The following TMA16 variants were observed in gnomAD, a reference collection of about 807,000 sequenced individuals.
TMA16 encodes translation machinery-associated protein 16.
In TMA16, 26 loss-of-function variants were observed where a neutral mutation model predicts 27.1. That is an observed-to-expected ratio of 0.96 (90% CI 0.70 to 1.33). The LOEUF (loss-of-function observed/expected upper bound fraction) is 1.33. Ranked by LOEUF, TMA16 falls within the 40% of genes most tolerant of loss-of-function variation. The pLI, the probability that TMA16 is intolerant of heterozygous loss-of-function variation, is 0.00. For synonymous variants in TMA16, 71 were observed against 81.9 expected, an observed-to-expected ratio of 0.87 and a Z score of 0.72; for missense variants, 233 against 241.4, an observed-to-expected ratio of 0.97 and a Z score of 0.23.
At position 163,496,605 on chromosome 4, in the gene TMA16, A is replaced by AT. The variant is rs36079282; in HGVS notation, c.3+1810dup. Among the ~76,000 whole-genome samples the AT allele has an allele frequency of 1.3e-3, 197 of 150,848 alleles. 1 individual carries two copies. The highest frequency in any genetic ancestry group is 3.9e-3 in the African/African-American group (160 of 41,102). The stretch of plus-strand genomic sequence containing the variant: ...AGGTTTTTAGTGTTTATTATTTTTT[A>AT]TTTTTTTTTGAGACGGTGTTTTGCT... On this transcript the variant is annotated intron_variant, in intron 1 of 6. Coordinates refer to ENST00000358572, the MANE Select transcript of TMA16 (RefSeq NM_018352.3).
At chr4:163,508,218 G>A (rs1050288750) in intron 2 of TMA16, among the ~76,000 whole-genome samples, 1 of 152,016 alleles carries the variant, frequency 6.6e-6, no homozygotes, top group Admixed American at 6.6e-5. Context: ...ATATATATCA[G>A]TATTTTGCAA....
At chr4:163,499,042 C>T (rs186927236) in intron 1 of TMA16, among the ~76,000 whole-genome samples, 3 of 152,152 alleles carry the variant, frequency 2.0e-5, no homozygotes, top group Non-Finnish European at 4.4e-5. Context: ...TACACCCACA[C>T]CCCCACTAAT....
At chr4:163,499,933 CTAA>C (rs1737622321) in intron 1 of TMA16, among the ~76,000 whole-genome samples, 1 of 151,988 alleles carries the variant, frequency 6.6e-6, no homozygotes, top group African/African-American at 2.4e-5. Context: ...CCTTTGTGAC[CTAA>C]AGGATGAATT....
chr4:163,498,126 C>T (rs1737587676), intron 1 of TMA16, among the ~76,000 whole-genome samples: 1 of 152,124 alleles, frequency 6.6e-6, no homozygotes, highest in African/African-American at 2.4e-5. Flanking sequence ...TTGTTTGCTT[C>T]TGTAACTTAC....
At chr4:163,503,771 T>C (rs1179919946) in intron 1 of TMA16, among the ~76,000 whole-genome samples, 1 of 152,216 alleles carries the variant, frequency 6.6e-6, no homozygotes, top group Non-Finnish European at 1.5e-5. Context: ...AGTTTTACTT[T>C]AGTTTTTCCC....
rs1737940608 is a variant in TMA16, at chr4:163,519,683, G to T, written c.*169G>T. On this transcript the variant is annotated 3_prime_UTR_variant, in exon 7 of 7. Transcript: ENST00000358572. ...GTTATGATACTTATTTTAAAATGAA[G>T]ATTGCTTTTCATTTCCATTAAGTTG... 3.0e-6 allele frequency: 2 copies of T among 676,866 alleles called. No individual in the cohort carries two copies. Among genetic ancestry groups the T allele is most frequent in the Non-Finnish European group, 4.7e-6 (2 of 425,704 alleles). The allele number at this position is 676,866 out of a possible 1,614,324, so 41.9% of individuals were successfully genotyped here.
chr4:163,505,417 C>T (rs1288181144), intron 1 of TMA16, among the ~76,000 whole-genome samples: 4 of 152,118 alleles, frequency 2.6e-5, no homozygotes, highest in African/African-American at 7.2e-5. Flanking sequence ...GCGAGCAGAG[C>T]GCTCAATGAG....
intron 1 of TMA16, among the ~76,000 whole-genome samples, chr4:163,503,348 T>C (rs780281600): frequency 2.6e-5 from 4 of 152,186 alleles, no homozygotes; most frequent in Non-Finnish European, 4.4e-5. Context: ...TACGTACACT[T>C]TGTGGACCTC....
intron 1 of TMA16, among the ~76,000 whole-genome samples, chr4:163,501,844 C>T (rs969091550): frequency 6.6e-6 from 1 of 152,074 alleles, no homozygotes; most frequent in Non-Finnish European, 1.5e-5. Context: ...ATTTTTAGAT[C>T]TCAGGTTACT....
intron 2 of TMA16, 43 bp downstream of exon 2, chr4:163,507,188 C>G: frequency 6.8e-7 from 1 of 1,472,814 alleles, no homozygotes; most frequent in Non-Finnish European, 9.2e-7. Context: ...TGGTAAAAAG[C>G]CCCTTTATAC....
chr4:163,499,547 A>T (rs1737614821), intron 1 of TMA16, among the ~76,000 whole-genome samples: 1 of 152,066 alleles, frequency 6.6e-6, no homozygotes, highest in Non-Finnish European at 1.5e-5. Flanking sequence ...GTATCGAGGG[A>T]TATTAGTTGA....
At chr4:163,512,715 C>A in intron 2 of TMA16, 107 bp from the exon 3 acceptor site, 1 of 690,610 alleles carries the variant, frequency 1.4e-6, no homozygotes, top group Non-Finnish European at 2.4e-6. Context: ...AAAGAATGAC[C>A]TTTTAATTAG....
intron 6 of TMA16, 24 bp from the exon 7 acceptor site, chr4:163,519,310 T>C (rs753610463): frequency 5.5e-6 from 2 of 365,708 alleles, no homozygotes; most frequent in Non-Finnish European, 8.0e-6. Context: ...CTCTGCACTC[T>C]TTTTTTTTTT....
chr4:163,513,955 A>C (rs1264061082), intron 3 of TMA16, 119 bp from the exon 4 acceptor site: 2 of 632,652 alleles, frequency 3.2e-6, no homozygotes, highest in African/African-American at 1.9e-5. Context: ...CTTTATGTTT[A>C]ACATTGACAT....
Position 163,512,852 on chromosome 4 carries a change from C to G in TMA16, c.147C>G (p.Asn49Lys). ...KLKNEKALRL[N>K]LVGEKLQWFQ... ...AGAATGAAAAGGCCTTGCGTCTCAA[C>G]CTTGTTGGTAAGTGGGTTTACTTAT... Residue 49 changes from asparagine (N) to lysine (K), a missense_variant, in exon 3 of 7, where the codon AAC (asparagine) becomes AAG (lysine). By Grantham distance (94) the Asn-to-Lys change is moderately conservative. Coordinates refer to ENST00000358572, the MANE Select transcript of TMA16 (RefSeq NM_018352.3). 1 of 1,606,776 alleles carries G rather than the reference C, an allele frequency of 6.2e-7. No homozygotes were observed. Among genetic ancestry groups the G allele is most frequent in the Non-Finnish European group, 8.5e-7 (1 of 1,175,138 alleles).
intron 1 of TMA16, among the ~76,000 whole-genome samples, chr4:163,497,028 T>G (rs1483887540): frequency 6.6e-6 from 1 of 152,216 alleles, no homozygotes; most frequent in African/African-American, 2.4e-5. Context: ...TATATAAACC[T>G]GTCATAGAGC....
rs1480858337 is a variant in TMA16, at chr4:163,515,352, G to C, written c.279G>C (p.Glu93Asp). 6.2e-7 allele frequency: 1 copy of C among 1,613,160 alleles called. No homozygotes were observed. Among genetic ancestry groups the C allele is most frequent in the Non-Finnish European group, 8.5e-7 (1 of 1,179,810 alleles). ...NRFSSELEQI[E>D]LHNSIRDRQG... ...TCAGCAGTGAGCTGGAGCAGATTGAGTTACATAACAGTATCAGGGACAGGC... is the reference window on the plus strand; with the variant it reads ...TCAGCAGTGAGCTGGAGCAGATTGACTTACATAACAGTATCAGGGACAGGC... The change falls in exon 5 of 7, where the codon GAG (glutamate) becomes GAC (aspartate). Residue 93 changes from glutamate to aspartate, a missense_variant. Transcript: ENST00000358572.
intron 1 of TMA16, among the ~76,000 whole-genome samples, chr4:163,502,718 C>T (rs1048982194): frequency 4.6e-5 from 7 of 152,082 alleles, no homozygotes; most frequent in Non-Finnish European, 8.8e-5. Context: ...GTCATTGACA[C>T]GTGTCATTGC....
Position 163,494,772 on chromosome 4 carries a change from G to C in TMA16, c.-30G>C. 2 of 1,613,030 alleles carry C rather than the reference G, an allele frequency of 1.2e-6. No individual in the cohort carries two copies. Among genetic ancestry groups the C allele is most frequent in the Non-Finnish European group, 1.7e-6 (2 of 1,180,016 alleles). On this transcript the variant is annotated 5_prime_UTR_variant, in exon 1 of 7. Transcript: ENST00000358572. ...TGAGATTACCTGGGTCTAGAGTGCG[G>C]AGCTGCTCCGTGGCCACGAGGACGT...
Sources: gnomAD v4.1 joint callset for allele counts (sites outside exome capture counted in the v4.1 genomes callset) on GRCh38, gnomAD v4.1.1 for gene constraint, MANE v1.5 for transcripts, NCBI Gene and HGNC (gene_info 2026-07-23, HGNC 2026-07-21) for gene names.